Variants in RPS6KA2 observed in about 807,000 individuals in gnomAD.
RPS6KA2 encodes the protein ribosomal protein S6 kinase A2, also known as ribosomal protein S6 kinase alpha-2.
Under a neutral mutation model 91.8 loss-of-function variants are expected in RPS6KA2, and 42 were observed. The observed-to-expected ratio is 0.46, with a 90% CI of 0.36 to 0.59. The LOEUF (loss-of-function observed/expected upper bound fraction) is 0.59, where lower values mean the gene tolerates loss of function less well. Ranked by LOEUF, RPS6KA2 falls within the 20% of genes least tolerant of loss-of-function variation. The pLI is 0.00. For synonymous variants in RPS6KA2, 414 were observed against 393.6 expected (o/e 1.05, Z -0.61); for missense variants, 798 against 978.5 (o/e 0.82, Z 2.46).
At chr6:166,834,033 C>T (rs1472321547) in intron 2 of RPS6KA2, among the ~76,000 whole-genome samples, 1 of 152,044 alleles carries the variant, frequency 6.6e-6, no homozygotes, top group African/African-American at 2.4e-5. Flanking sequence ...CATGCCTGTC[C>T]CCTTTTGCAT....
At chr6:166,619,803 T>C (rs3778370) in intron 1 of RPS6KA2, among the ~76,000 whole-genome samples, 22,592 of 152,318 alleles carry the variant, frequency 0.15, 1,720 homozygotes, top group Non-Finnish European at 0.17. Flanking sequence ...GAAGCTAATA[T>C]GATATCTGAC....
intron 2 of RPS6KA2, among the ~76,000 whole-genome samples, chr6:166,769,704 T>C (rs953898017): frequency 6.6e-5 from 10 of 152,162 alleles, no homozygotes; most frequent in Admixed American, 2.6e-4. Flanking sequence ...ATGTCAAGCA[T>C]TGTGGGCAAT....
rs199876146 is a variant in RPS6KA2, at chr6:166,702,314, C to T, written c.123+155886G>A. 3.6e-4 allele frequency: 581 copies of T among 1,613,348 alleles called. 1 individual carries two copies. Among genetic ancestry groups the T allele is most frequent in the Non-Finnish European group, 4.7e-4 (554 of 1,179,482 alleles). ...TGAGGAGCCCCTCTGCCCAAGCCCC[C>T]GGCGACCTCGGGGCTGCAGAAAGGG... On this transcript the variant is annotated intron_variant, in intron 2 of 21. Coordinates refer to the RPS6KA2 transcript ENST00000503859.
chr6:166,560,997 C>T (rs1784326618), intron 1 of RPS6KA2, among the ~76,000 whole-genome samples: 2 of 152,042 alleles, frequency 1.3e-5, no homozygotes, highest in Admixed American at 6.5e-5. Context: ...AATCCACACC[C>T]CTACTAAATA....
intron 2 of RPS6KA2, among the ~76,000 whole-genome samples, chr6:166,796,771 C>T (rs780701122): frequency 1.3e-5 from 2 of 152,172 alleles, no homozygotes. Context: ...CCTGAGTGCA[C>T]GCACGTGGCA....
intron 2 of RPS6KA2, among the ~76,000 whole-genome samples, chr6:166,848,679 A>T (rs1203427004): frequency 6.6e-6 from 1 of 151,998 alleles, no homozygotes; most frequent in Non-Finnish European, 1.5e-5. Context: ...GTATGTTCTC[A>T]CTCATAATTG....
chr6:166,619,134 T>C (rs1211540690), intron 1 of RPS6KA2, among the ~76,000 whole-genome samples: 1 of 152,240 alleles, frequency 6.6e-6, no homozygotes, highest in East Asian at 1.9e-4. Flanking sequence ...TGTTGGGTTG[T>C]ACTCTACAAG....
intron 16 of RPS6KA2, among the ~76,000 whole-genome samples, chr6:166,424,574 G>C (rs9459666): frequency 0.03 from 4,556 of 152,318 alleles, 232 homozygotes; most frequent in African/African-American, 0.1. Flanking sequence ...CCTGGAACCA[G>C]AGAGTGGGAG....
chr6:166,637,613 C>T (rs117754557), intron 2 of RPS6KA2, among the ~76,000 whole-genome samples: 24 of 152,324 alleles, frequency 1.6e-4, no homozygotes, highest in Non-Finnish European at 2.2e-4. Flanking sequence ...GCGCTCAGAA[C>T]TTAAAGTCAG....
chr6:166,743,302 G>C (rs1171338032), intron 2 of RPS6KA2, among the ~76,000 whole-genome samples: 1 of 152,170 alleles, frequency 6.6e-6, no homozygotes, highest in East Asian at 1.9e-4. Context: ...CCCAGCACAG[G>C]CCAGGACCCT....
At chr6:166,798,033 A>G (rs1427611076) in intron 2 of RPS6KA2, among the ~76,000 whole-genome samples, 1 of 152,212 alleles carries the variant, frequency 6.6e-6, no homozygotes, top group African/African-American at 2.4e-5. Flanking sequence ...CGATGTCACT[A>G]CCGTTGGTTG....
At chr6:166,738,908 A>G (rs1790738904) in intron 2 of RPS6KA2, among the ~76,000 whole-genome samples, 1 of 152,198 alleles carries the variant, frequency 6.6e-6, no homozygotes, top group Non-Finnish European at 1.5e-5. Context: ...AGCTTTACAC[A>G]GCAAATATGT....
At chr6:166,747,655 A>T (rs62438705) in intron 2 of RPS6KA2, among the ~76,000 whole-genome samples, 31,050 of 152,064 alleles carry the variant, frequency 0.2, 3,422 homozygotes, top group Non-Finnish European at 0.25. Context: ...AGTGAGGAAA[A>T]CAGAGAGGGC....
At chr6:166,646,013 C>G (rs757411499) in intron 2 of RPS6KA2, among the ~76,000 whole-genome samples, 1 of 152,186 alleles carries the variant, frequency 6.6e-6, no homozygotes, top group African/African-American at 2.4e-5. Context: ...TAGGGCCAGT[C>G]CTCTGTGCAA....
chr6:166,626,857 G>A lies in RPS6KA2; in HGVS notation c.99+64C>T. The A allele has an allele frequency of 5.3e-6, 7 of 1,313,946 alleles. No homozygotes were observed. Among genetic ancestry groups the A allele is most frequent in the Non-Finnish European group, 6.9e-6 (7 of 1,013,964 alleles). The allele number at this position is 1,313,946 out of a possible 1,614,324, so 81.4% of individuals were successfully genotyped here. A position where few individuals can be genotyped will look rare whatever the true frequency, so the allele number is the denominator to read the frequency against. On this transcript the variant is annotated intron_variant, in intron 1 of 20. Coordinates refer to ENST00000265678, the MANE Select transcript of RPS6KA2 (RefSeq NM_021135.6). This position sits in a 1 kb window ranked among gnomAD's most constrained non-coding sequence, Gnocchi z 4.1. ...GGGTCCACCCAGGGGTGGCGAGGCG[G>A]GCTCGGGCGACCACGGCCCGCTCAG...
intron 2 of RPS6KA2, among the ~76,000 whole-genome samples, chr6:166,746,198 G>C (rs1209751400): frequency 6.6e-6 from 1 of 152,134 alleles, no homozygotes. Context: ...CCCCAGAGCA[G>C]GCAAGGCCAT....
At chr6:166,545,465 G>A (rs1371712735) in intron 1 of RPS6KA2, among the ~76,000 whole-genome samples, 1 of 152,190 alleles carries the variant, frequency 6.6e-6, no homozygotes, top group African/African-American at 2.4e-5. Context: ...CGGAACTGAG[G>A]CTGGGCTAAT....
intron 2 of RPS6KA2, among the ~76,000 whole-genome samples, chr6:166,815,113 T>C (rs1256356365): frequency 1.3e-5 from 2 of 152,224 alleles, no homozygotes; most frequent in East Asian, 3.8e-4. Flanking sequence ...AAACGAGAGA[T>C]ACTCTAAGGG....
At chr6:166,630,120 C>A (rs1787028306), upstream of RPS6KA2, among the ~76,000 whole-genome samples, 1 of 152,328 alleles carries the variant, frequency 6.6e-6, no homozygotes, top group Admixed American at 6.5e-5. Flanking sequence ...CCTGGACAGA[C>A]AAGAGGAGGC....
Sources: allele counts gnomAD v4.1 joint callset (sites outside exome capture counted in the v4.1 genomes callset), GRCh38; gene constraint gnomAD v4.1.1; non-coding constraint Gnocchi (gnomAD v3.1); transcripts MANE v1.5; gene names NCBI Gene and HGNC (gene_info 2026-07-23, HGNC 2026-07-21).